The following MYO5B variants were observed in gnomAD, a reference collection of about 807,000 sequenced individuals.
MYO5B encodes the protein unconventional myosin-Vb.
Under a neutral mutation model 229.3 loss-of-function variants are expected in MYO5B, and 143 were observed. The observed-to-expected ratio is 0.62, with a 90% CI of 0.54 to 0.72. The LOEUF (loss-of-function observed/expected upper bound fraction) is 0.72. MYO5B is among the 30% of genes least tolerant of loss of function. MYO5B has a pLI of 0.00. For synonymous variants in MYO5B, 918 were observed against 885.2 expected (o/e 1.04, Z -0.66); for missense variants, 2,321 against 2,331.0 (o/e 1.00, Z 0.09).
At chr18:49,904,527 A>G in intron 20 of MYO5B, 145 bp downstream of exon 20, 2 of 995,310 alleles carry the variant, frequency 2.0e-6, no homozygotes, top group South Asian at 2.7e-5. Flanking sequence ...GTGGGACTTC[A>G]GAAAGGATTT....
chr18:50,016,749 T>C (rs2026219647), intron 4 of MYO5B, among the ~76,000 whole-genome samples: 1 of 152,018 alleles, frequency 6.6e-6, no homozygotes, highest in African/African-American at 2.4e-5. Flanking sequence ...CAATAGAACA[T>C]TTTCATCACC....
intron 22 of MYO5B, among the ~76,000 whole-genome samples, chr18:49,888,081 T>C (rs144265772): frequency 2.6e-4 from 40 of 152,234 alleles, no homozygotes; most frequent in African/African-American, 5.8e-4. Flanking sequence ...GGTGCATACA[T>C]AGTAATGATA....
intron 2 of MYO5B, among the ~76,000 whole-genome samples, chr18:50,048,447 C>T (rs775633744): frequency 3.3e-5 from 5 of 152,168 alleles, no homozygotes; most frequent in African/African-American, 4.8e-5. Context: ...TACTGAGGCT[C>T]TGCTCTCTAA....
chr18:49,952,435 C>T (rs1018741158), intron 14 of MYO5B, among the ~76,000 whole-genome samples: 1 of 151,450 alleles, frequency 6.6e-6, no homozygotes, highest in African/African-American at 2.4e-5. Context: ...CACACGCTTC[C>T]CCTGACTCTA....
At chr18:49,966,311 G>C (rs964316207) in intron 10 of MYO5B, among the ~76,000 whole-genome samples, 1 of 152,154 alleles carries the variant, frequency 6.6e-6, no homozygotes, top group Non-Finnish European at 1.5e-5. Context: ...AATAATTCTA[G>C]GTTGAAAAAA....
At chr18:50,143,224 G>C (rs1007145133) in intron 1 of MYO5B, among the ~76,000 whole-genome samples, 2 of 152,182 alleles carry the variant, frequency 1.3e-5, no homozygotes, top group African/African-American at 4.8e-5. Context: ...AGTAGTAAGG[G>C]GTCTGTTACA....
At position 49,912,144 on chromosome 18, in the gene MYO5B, T is replaced by C; in HGVS notation, c.2120A>G (p.Tyr707Cys). Residue 707 changes from tyrosine to cysteine, a missense_variant, in exon 18 of 40, where the codon TAT (tyrosine) becomes TGT (cysteine). Tyr to Cys is a radical substitution (Grantham distance 194). Transcript: ENST00000285039. ...CTCTCTCTTCTTGACCAGCACCCGA[T>C]ACCGGTTGAAAAAGTCATGGTAGGC... ...RWAYHDFFNR[Y>C]RVLVKKRELA... 3.1e-6 allele frequency: 5 copies of C among 1,614,030 alleles called. No homozygotes were observed. The highest frequency in any genetic ancestry group is 4.2e-6 in the Non-Finnish European group (5 of 1,180,004).
chr18:49,831,624 A>T (rs1404474944), intron 39 of MYO5B, among the ~76,000 whole-genome samples: 1 of 152,190 alleles, frequency 6.6e-6, no homozygotes, highest in Non-Finnish European at 1.5e-5. Context: ...GTTGGTGAGG[A>T]TGTGGGGAAA....
At chr18:49,977,457 A>G (rs990117770) in intron 9 of MYO5B, among the ~76,000 whole-genome samples, 2 of 152,076 alleles carry the variant, frequency 1.3e-5, no homozygotes, top group Admixed American at 1.3e-4. Flanking sequence ...GCTCCATCCT[A>G]TGTGCCCGAG....
chr18:50,008,035 A>C (rs1280802523), intron 4 of MYO5B, among the ~76,000 whole-genome samples: 4 of 152,192 alleles, frequency 2.6e-5, no homozygotes, highest in African/African-American at 9.7e-5. Context: ...GGAATTATAC[A>C]GGATAATGCA....
chr18:49,982,134 G>T (rs11665321), intron 8 of MYO5B, among the ~76,000 whole-genome samples: 21,106 of 152,156 alleles, frequency 0.14, 1,627 homozygotes, highest in East Asian at 0.21. Context: ...CTGGAGTCCA[G>T]TGGCACAGTC....
At chr18:50,048,053 C>T (rs1278632649) in intron 2 of MYO5B, among the ~76,000 whole-genome samples, 4 of 150,544 alleles carry the variant, frequency 2.7e-5, no homozygotes, top group Admixed American at 1.3e-4. Context: ...CAAACCTGCA[C>T]GTTGTGCACA....
chr18:49,847,350 C>T (rs2024142554), intron 32 of MYO5B, 61 bp from the exon 33 acceptor site: 16 of 1,582,586 alleles, frequency 1.0e-5, no homozygotes, highest in Non-Finnish European at 9.4e-6. Context: ...CTGAGGGTAG[C>T]GGGCATCTCT....
At chr18:49,963,271 G>T (rs1489504578) in intron 10 of MYO5B, among the ~76,000 whole-genome samples, 1 of 151,800 alleles carries the variant, frequency 6.6e-6, no homozygotes, top group East Asian at 1.9e-4. Flanking sequence ...GGAAAAGAAA[G>T]TTTAAAAAAG....
intron 1 of MYO5B, among the ~76,000 whole-genome samples, chr18:50,063,315 G>A (rs1395758062): frequency 6.6e-6 from 1 of 152,120 alleles, no homozygotes; most frequent in Non-Finnish European, 1.5e-5. Context: ...CCACTGGAAA[G>A]CTCCCTGTAA....
chr18:49,946,179 T>A (rs1263920192), intron 14 of MYO5B: 1 of 152,108 alleles, frequency 6.6e-6, no homozygotes, highest in African/African-American at 2.4e-5. Context: ...TATCCGTTAT[T>A]CAAAATTTGA....
At chr18:50,114,173 T>C (rs2031916468) in intron 1 of MYO5B, among the ~76,000 whole-genome samples, 1 of 152,096 alleles carries the variant, frequency 6.6e-6, no homozygotes, top group Admixed American at 6.6e-5. Context: ...TAAACTGAGA[T>C]GCCAGCCAGC....
At position 49,837,772 on chromosome 18, in the gene MYO5B, T is replaced by A; in HGVS notation, c.4883A>T (p.Gln1628Leu). ...GGTGGGCTTCACACCAGATAGACCC[T>A]GAATGCTCTCATTTTCCAACATGGC... ...VSAMLENESIQGLSGVKPTGY... is the reference protein window; with the variant it reads ...VSAMLENESILGLSGVKPTGY... Residue 1628 changes from glutamine to leucine, a missense_variant, in exon 37 of 40, where the codon CAG becomes CTG. Transcript: ENST00000285039. 6.2e-7 allele frequency: 1 copy of A among 1,614,226 alleles called. No individual in the cohort carries two copies. The highest frequency in any genetic ancestry group is 8.5e-7 in the Non-Finnish European group (1 of 1,180,036).
chr18:50,114,260 T>G (rs2031917888), intron 1 of MYO5B, among the ~76,000 whole-genome samples: 2 of 152,246 alleles, frequency 1.3e-5, no homozygotes. Context: ...GCCGTGCTGT[T>G]ATAATACTGA....
Sources: allele counts gnomAD v4.1 joint callset (sites outside exome capture counted in the v4.1 genomes callset), GRCh38; gene constraint gnomAD v4.1.1; transcripts MANE v1.5; gene names NCBI Gene and HGNC (gene_info 2026-07-23, HGNC 2026-07-21).